The following DNAH14 variants were observed in gnomAD, a reference collection of about 807,000 sequenced individuals.
DNAH14 encodes the protein dynein axonemal heavy chain 14.
In DNAH14, 478 loss-of-function variants were observed where a neutral mutation model predicts 520.9. The ratio of observed to expected loss-of-function variants is 0.92; its 90% CI spans 0.85 to 0.99. The LOEUF is 0.99. Ranked by LOEUF, DNAH14 falls within the 50% of genes least tolerant of loss-of-function variation. The pLI, the probability that DNAH14 is intolerant of heterozygous loss-of-function variation, is 0.00. For synonymous variants in DNAH14, 1,581 were observed against 1,757.2 expected (o/e 0.90, Z 2.51); for missense variants, 4,831 against 5,234.5 (o/e 0.92, Z 2.38).
chr1:225,185,171 AAGAACACAAAC>A (rs1485148923), intron 36 of DNAH14, 109 bp from the exon 37 acceptor site: 1 of 1,127,318 alleles, frequency 8.9e-7, no homozygotes, highest in African/African-American at 1.7e-5. Flanking sequence ...GAGCCAAATA[AAGAACACAAAC>A]TCATTTATTA....
chr1:225,326,806 A>AT (rs1482121016), intron 64 of DNAH14, among the ~76,000 whole-genome samples: 1 of 152,162 alleles, frequency 6.6e-6, no homozygotes, highest in East Asian at 1.9e-4. Context: ...CCTGAAGGAT[A>AT]TGCCCTGTTT....
At chr1:225,215,029 T>C (rs1221318203) in intron 41 of DNAH14, among the ~76,000 whole-genome samples, 1 of 152,246 alleles carries the variant, frequency 6.6e-6, no homozygotes, top group Non-Finnish European at 1.5e-5. Context: ...CTTCCTGCTT[T>C]CTCTTGTGGT....
chr1:224,999,749 T>C (rs1167369841), intron 8 of DNAH14, among the ~76,000 whole-genome samples: 1 of 152,146 alleles, frequency 6.6e-6, no homozygotes, highest in Non-Finnish European at 1.5e-5. Context: ...TTTTTAGTGG[T>C]TGCTATAGTA....
chr1:225,227,784 G>A (rs1558089037), intron 41 of DNAH14, among the ~76,000 whole-genome samples: 1 of 152,066 alleles, frequency 6.6e-6, no homozygotes, highest in Non-Finnish European at 1.5e-5. Flanking sequence ...CCTGGCATGG[G>A]ACATATCGTA....
chr1:225,373,421 C>T (rs1456263592), intron 77 of DNAH14, among the ~76,000 whole-genome samples: 22 of 150,200 alleles, frequency 1.5e-4, no homozygotes, highest in Admixed American at 3.3e-4. Context: ...GCCGAGGTCG[C>T]GCCACTGCAC....
At position 225,232,990 on chromosome 1, in the gene DNAH14, G is replaced by T. The variant is rs530886859; in HGVS notation, c.6518+1839G>T. Reference sequence around the variant, plus strand: ...ACCCCAACAGTCCCCAGTGTGTGTTGTTCCCCTGCCCATGTGTCCATGTGT... The same window carrying T: ...ACCCCAACAGTCCCCAGTGTGTGTTTTTCCCCTGCCCATGTGTCCATGTGT... On this transcript the variant is annotated intron_variant, in intron 42 of 85. Transcript: ENST00000682510. This position sits in a 1 kb window ranked among gnomAD's most constrained non-coding sequence, Gnocchi z 4.2. 7.3e-4 allele frequency among the ~76,000 whole-genome samples: 111 copies of T among 152,190 alleles called. 1 individual carries two copies. The highest frequency in any genetic ancestry group is 2.6e-3 in the African/African-American group (108 of 41,516).
chr1:225,389,630 A>G (rs774330465), intron 82 of DNAH14, 104 bp from the exon 83 acceptor site: 157 of 1,329,362 alleles, frequency 1.2e-4, no homozygotes, highest in Non-Finnish European at 1.5e-4. Context: ...GGGGAATCGA[A>G]ATGAAAAGTA....
chr1:225,108,989 T>C (rs963604628), intron 23 of DNAH14, among the ~76,000 whole-genome samples: 14 of 152,192 alleles, frequency 9.2e-5, no homozygotes, highest in Admixed American at 6.5e-4. Context: ...TTCCAATGTA[T>C]GTTCTTGGCA....
intron 38 of DNAH14, among the ~76,000 whole-genome samples, chr1:225,194,261 A>G (rs189134136): frequency 1.4e-3 from 207 of 152,296 alleles, no homozygotes; most frequent in Admixed American, 2.4e-3. Context: ...ACCCAATTTC[A>G]AACTATACTA....
In DNAH14 at chr1:225,374,161, A is replaced by ATTC. The variant is rs2095658701; in HGVS notation, c.12319-526_12319-525insTCT. 2.7e-5 allele frequency among the ~76,000 whole-genome samples: 2 copies of ATTC among 73,818 alleles called. 1 individual carries two copies. The highest frequency in any genetic ancestry group is 2.8e-4 in the Admixed American group (2 of 7,068). The allele number at this position is 73,818 out of a possible 152,430, so 48.4% of individuals were successfully genotyped here. ...TGTGTCTTACTATATATATATATAT[A>ATTC]TATATATATATATATATATATACTA... On this transcript the variant is annotated intron_variant, in intron 77 of 85. Transcript: ENST00000682510.
chr1:225,333,413 G>A lies in DNAH14; in HGVS notation c.9987G>A (p.Leu3329=), dbSNP rs1197399602. 9.7e-6 allele frequency: 15 copies of A among 1,551,412 alleles called. No homozygotes were observed. The Admixed American group carries it at 2.7e-4, about 28-fold the overall frequency. ...SGILTPEFRQ[L]IVNKWETFCI... Reference sequence around the variant, plus strand: ...TTTTAACACCAGAATTTCGCCAGTTGATTGTGAATAAATGGGAGACATTCT... The same window carrying A: ...TTTTAACACCAGAATTTCGCCAGTTAATTGTGAATAAATGGGAGACATTCT... The change falls in exon 66 of 86, where the codon TTG becomes TTA. Residue 3329 remains leucine, a synonymous_variant. Coordinates refer to ENST00000682510, the MANE Select transcript of DNAH14 (RefSeq NM_001367479.1).
intron 1 of DNAH14, among the ~76,000 whole-genome samples, chr1:224,932,421 T>C (rs1450468677): frequency 6.6e-6 from 1 of 152,162 alleles, no homozygotes; most frequent in African/African-American, 2.4e-5. Flanking sequence ...TTTCACTCTG[T>C]TGATTATTTG....
intron 24 of DNAH14, 43 bp downstream of exon 24, chr1:225,117,831 A>G: frequency 2.6e-6 from 4 of 1,520,614 alleles, no homozygotes; most frequent in African/African-American, 1.4e-5. Context: ...TATTAGCGAT[A>G]TTCAGATCAC....
At chr1:224,936,434 G>T (rs2489308) in intron 1 of DNAH14, among the ~76,000 whole-genome samples, 16 of 151,752 alleles carry the variant, frequency 1.1e-4, no homozygotes, top group African/African-American at 3.6e-4. Flanking sequence ...AGATTATTAT[G>T]AATAACTGTG....
chr1:225,090,689 CTT>C (rs1485721254), intron 21 of DNAH14, among the ~76,000 whole-genome samples: 1 of 152,072 alleles, frequency 6.6e-6, no homozygotes, highest in Admixed American at 6.6e-5. Context: ...ACAAAAAACT[CTT>C]AAGCCACATC....
chr1:225,247,089 G>C (rs1347854122), intron 43 of DNAH14, among the ~76,000 whole-genome samples: 2 of 152,146 alleles, frequency 1.3e-5, no homozygotes, highest in African/African-American at 4.8e-5. Flanking sequence ...ACATGGTTGA[G>C]GCTGGAAGCC....
chr1:225,008,229 C>T (rs968611384), intron 10 of DNAH14, among the ~76,000 whole-genome samples: 5 of 152,072 alleles, frequency 3.3e-5, no homozygotes, highest in South Asian at 2.1e-4. Context: ...CCAGCTTCAT[C>T]GGCATCCCTG....
intron 8 of DNAH14, among the ~76,000 whole-genome samples, chr1:224,977,278 A>G (rs563237208): frequency 3.1e-4 from 45 of 146,638 alleles, no homozygotes; most frequent in African/African-American, 9.7e-4. Context: ...ATAGGTGGGA[A>G]TTGAACAATG....
At chr1:225,347,660 AAGGGATT>A (rs1330016514) in intron 71 of DNAH14, among the ~76,000 whole-genome samples, 1 of 152,192 alleles carries the variant, frequency 6.6e-6, no homozygotes, top group Non-Finnish European at 1.5e-5. Context: ...TAGGAGGAGC[AAGGGATT>A]AGAAAAGGTT....
Sources: allele counts gnomAD v4.1 joint callset (sites outside exome capture counted in the v4.1 genomes callset), GRCh38; gene constraint gnomAD v4.1.1; non-coding constraint Gnocchi (gnomAD v3.1); transcripts MANE v1.5; gene names NCBI Gene and HGNC (gene_info 2026-07-23, HGNC 2026-07-21).